Variants in SBF1 observed in about 807,000 individuals in gnomAD.
SBF1 encodes the protein SET binding factor 1, also known as myotubularin-related protein 5.
Under a neutral mutation model 215.8 loss-of-function variants are expected in SBF1, and 65 were observed. The ratio of observed to expected loss-of-function variants is 0.30; its 90% confidence interval spans 0.25 to 0.37. SBF1 has a LOEUF of 0.37. Among genes scored for constraint, SBF1 ranks in the 10% least tolerant of loss-of-function variants. The pLI, the probability that SBF1 is intolerant of heterozygous loss-of-function variation, is 1.00. For synonymous variants in SBF1, 1,410 were observed against 1,122.8 expected (o/e 1.26, Z -5.11); for missense variants, 2,634 against 2,667.8 (o/e 0.99, Z 0.28).
intron 1 of SBF1, among the ~76,000 whole-genome samples, chr22:50,474,365 C>T (rs1349806531): frequency 6.6e-6 from 1 of 152,216 alleles, no homozygotes; most frequent in Non-Finnish European, 1.5e-5. Flanking sequence ...GCCGCGGGTC[C>T]GCGCCCCTGG....
At chr22:50,467,243 AG>A in intron 5 of SBF1, 94 bp downstream of exon 5, 1 of 1,023,000 alleles carries the variant, frequency 9.8e-7, no homozygotes, top group Non-Finnish European at 1.5e-6. Context: ...CAAGGCCTCC[AG>A]CTGTGTGTGG....
rs749858631 is a variant in SBF1, at chr22:50,465,299, C to T, written c.1119G>A (p.Arg373=). ...AGCCCTGCAGCAGCTGAGCGAACAG[C>T]CGCAGGAAGACCGCGCGCAGCTCCT... ...QDKELRAVFL[R]LFAQLLQGYR... is the part of the protein sequence containing the mutation. Residue 373 remains arginine, a synonymous_variant, in exon 11 of 41, where the codon CGG becomes CGA. Transcript: ENST00000380817. The T allele has an allele frequency of 1.2e-6, 2 of 1,605,282 alleles. No individual in the cohort carries two copies. Among genetic ancestry groups the T allele is most frequent in the South Asian group, 1.1e-5 (1 of 89,748 alleles).
rs1194687521 is a variant in SBF1 at position 50,447,706 on chromosome 22, G to A, written c.5364-97C>T. ...CCCCCCTTGCTGTCCCAGCCCAGGA[G>A]GTAAGACCAGGCACCCTGTCCCCAG... On this transcript the variant is annotated intron_variant, in intron 38 of 40. Transcript: ENST00000380817. 7.1e-6 allele frequency: 6 copies of A among 841,990 alleles called. No homozygotes were observed. In the East Asian group the frequency reaches 1.6e-4, roughly 22 times the overall value. The allele number at this position is 841,990 out of a possible 1,614,324, so 52.2% of individuals were successfully genotyped here.
chr22:50,469,376 G>A (rs1043939985), intron 1 of SBF1, among the ~76,000 whole-genome samples: 1 of 152,216 alleles, frequency 6.6e-6, no homozygotes, highest in African/African-American at 2.4e-5. Flanking sequence ...CTCTCCGTGG[G>A]GCCCCAGAAC....
intron 15 of SBF1, 108 bp downstream of exon 15, chr22:50,464,221 G>A (rs532853575): frequency 3.2e-6 from 3 of 925,902 alleles, no homozygotes; most frequent in South Asian, 1.6e-5. Flanking sequence ...CTGTCTGTTA[G>A]GCAGAGGAGG....
Position 50,467,455 on chromosome 22 carries a change from T to C in SBF1, c.439-7A>G, listed in dbSNP as rs2067816576. On this transcript the variant is annotated splice_polypyrimidine_tract_variant and splice_region_variant and intron_variant, in intron 4 of 40. Coordinates refer to ENST00000380817, the MANE Select transcript of SBF1 (RefSeq NM_002972.4). ...AGATGAGGCCAAGGCTGTTCTGCAA[T>C]GACCAGAGCGGGGAGTGGTGGGACA... 2 of 1,614,132 alleles carry C rather than the reference T, an allele frequency of 1.2e-6. No homozygotes were observed. The highest frequency in any genetic ancestry group is 4.5e-5 in the East Asian group (2 of 44,888).
intron 2 of SBF1, 119 bp downstream of exon 2, chr22:50,468,257 G>C (rs963565572): frequency 1.5e-5 from 14 of 965,500 alleles, no homozygotes; most frequent in Non-Finnish European, 2.0e-5. Context: ...CTGCTGTCTT[G>C]TCCCTAGCCC....
rs2067534854 is a variant in SBF1 at position 50,461,991 on chromosome 22, C to T, written c.2525G>A (p.Gly842Glu). The change falls in exon 20 of 41, where the codon GGG becomes GAG. Residue 842 changes from glycine to glutamate, a missense_variant. Physicochemically the swap from Gly to Glu is moderately conservative, Grantham distance 98. Transcript: ENST00000380817. ...CCCCTTGAGGTGGTCGCTGGTGACC[C>T]CACTCTCCGTGCAGACCTTGTCCAC... is the stretch of plus-strand genomic sequence containing the variant. Reference protein sequence around the residue: ...RFVDKVCTESGVTSDHLKGLH... With the variant: ...RFVDKVCTESEVTSDHLKGLH... The T allele has an allele frequency of 1.2e-6, 2 of 1,614,096 alleles. No individual in the cohort carries two copies. The highest frequency in any genetic ancestry group is 1.3e-5 in the African/African-American group (1 of 74,940).
At chr22:50,471,926 G>A (rs1289577400) in intron 1 of SBF1, among the ~76,000 whole-genome samples, 1 of 152,234 alleles carries the variant, frequency 6.6e-6, no homozygotes, top group Admixed American at 6.5e-5. Flanking sequence ...GATCCAAGGG[G>A]TCCAGCCCCT....
chr22:50,462,490 CG>C lies in SBF1; in HGVS notation c.2128-18del. ...CCCAACCTCCTGCCACGGCACCACA[CG>C]CATGAGCCGGGGCCACGCTGCCCCA... On this transcript the variant is annotated intron_variant, in intron 18 of 40. Transcript: ENST00000380817. 1 of 1,612,646 alleles carries C rather than the reference CG, an allele frequency of 6.2e-7. No homozygotes were observed.
In SBF1 at chr22:50,468,456, C is replaced by T; in HGVS notation, c.61G>A (p.Gly21Arg). ...TGCAGAATCTGGCCCTGGCCTTCCC[C>T]ACTCCCTGAGGACAAGAACAGGGGG... The part of the protein sequence containing the change: ...VAFGPHPRGS[G>R]EGQGQILQRF... The change falls in exon 2 of 41, where the codon GGG (glycine) becomes AGG (arginine). Residue 21 changes from glycine (G) to arginine (R), a missense_variant. Transcript: ENST00000380817. 2 of 1,603,544 alleles carry T rather than the reference C, an allele frequency of 1.2e-6. No individual in the cohort carries two copies. Among genetic ancestry groups the T allele is most frequent in the Non-Finnish European group, 8.5e-7 (1 of 1,174,364 alleles).
Position 50,467,283 on chromosome 22 carries a change from G to A in SBF1, c.549+55C>T, listed in dbSNP as rs1430234044. On this transcript the variant is annotated intron_variant, in intron 5 of 40. Coordinates refer to ENST00000380817, the MANE Select transcript of SBF1 (RefSeq NM_002972.4). Reference sequence around the variant, plus strand: ...TGGCTGGGCTCCAAATACCTACCAGGGCCCCAGCAGGAGGGCCTGTGGCTG... The same window carrying A: ...TGGCTGGGCTCCAAATACCTACCAGAGCCCCAGCAGGAGGGCCTGTGGCTG... The A allele has an allele frequency of 2.1e-6, 3 of 1,452,410 alleles. No homozygotes were observed. In the Admixed American group the frequency reaches 5.2e-5, roughly 25 times the overall value. The allele number at this position is 1,452,410 out of a possible 1,614,324, so 90.0% of individuals were successfully genotyped here.
intron 1 of SBF1, among the ~76,000 whole-genome samples, chr22:50,473,086 T>C (rs943537279): frequency 9.2e-5 from 14 of 152,166 alleles, no homozygotes; most frequent in African/African-American, 3.1e-4. Context: ...CACAGCCAGC[T>C]TGTTGTGGAG....
Position 50,462,920 on chromosome 22 carries a change from C to G in SBF1, c.1918G>C (p.Glu640Gln), listed in dbSNP as rs199783239. The G allele has an allele frequency of 2.5e-4, 410 of 1,613,146 alleles. 2 individuals are homozygous for G. Among genetic ancestry groups the G allele is most frequent in the Non-Finnish European group, 1.9e-4 (226 of 1,179,862 alleles). The change falls in exon 17 of 41, where the codon GAG becomes CAG. Residue 640 changes from glutamate to glutamine, a missense_variant. Coordinates refer to ENST00000380817, the MANE Select transcript of SBF1 (RefSeq NM_002972.4). ...AGCAGAGCCGCCGCAATGCCATGCT[C>G]GTCCAGAGAAGTGCAGTCCTGCAGG... ...CCLQDCTSLD[E>Q]HGIAAALLPL...
At chr22:50,473,860 G>A (rs2068079276) in intron 1 of SBF1, among the ~76,000 whole-genome samples, 1 of 152,230 alleles carries the variant, frequency 6.6e-6, no homozygotes, top group Admixed American at 6.5e-5. Flanking sequence ...GCTCAGGCCA[G>A]GCAGTCAGCT....
At position 50,462,393 on chromosome 22, in the gene SBF1, A is replaced by G; in HGVS notation, c.2208T>C (p.Thr736=). 6.2e-7 allele frequency: 1 copy of G among 1,614,014 alleles called. No individual in the cohort carries two copies. Among genetic ancestry groups the G allele is most frequent in the Non-Finnish European group, 8.5e-7 (1 of 1,179,968 alleles). Residue 736 remains threonine (T), a synonymous_variant, in exon 19 of 41, where the codon ACT becomes ACC. Coordinates refer to ENST00000380817, the MANE Select transcript of SBF1 (RefSeq NM_002972.4). ...GCTCCTGCTGCTTCTCACGACTCAG[A>G]GTTGGCCACAAGCGCCGCTGCTCAG... ...VASEQRRLWP[T]LSREKQQELV...
At chr22:50,473,399 G>A (rs1429324934) in intron 1 of SBF1, among the ~76,000 whole-genome samples, 2 of 152,260 alleles carry the variant, frequency 1.3e-5, no homozygotes, top group Middle Eastern at 3.4e-3. Context: ...CTCCCTCTGT[G>A]GGTCAAGACA....
rs2066858145 is a variant in SBF1 at position 50,447,078 on chromosome 22, G to GCCCTGCCCAC, written c.*54_*63dup. The GCCCTGCCCAC allele has an allele frequency of 6.9e-7, 1 of 1,447,278 alleles. No individual in the cohort carries two copies. The highest frequency in any genetic ancestry group is 1.9e-5 in the Admixed American group (1 of 52,142). The allele number at this position is 1,447,278 out of a possible 1,614,324, so 89.7% of individuals were successfully genotyped here. On this transcript the variant is annotated 3_prime_UTR_variant, in exon 41 of 41. Transcript: ENST00000380817. The stretch of plus-strand genomic sequence containing the variant: ...CGGGGCTGTAAACATGGCCGGGGCG[G>GCCCTGCCCAC]CCCTGCCCACCCCTAGTGGTCGGTA...
chr22:50,447,441 C>T lies in SBF1; in HGVS notation c.5464G>A (p.Asp1822Asn), dbSNP rs1052849995. The T allele has an allele frequency of 9.9e-6, 16 of 1,613,224 alleles. No individual in the cohort carries two copies. The highest frequency in any genetic ancestry group is 2.7e-5 in the African/African-American group (2 of 74,864). The change falls in exon 40 of 41, where the codon GAC (aspartate) becomes AAC (asparagine). Residue 1822 changes from aspartate (D) to asparagine (N), a missense_variant. Coordinates refer to ENST00000380817, the MANE Select transcript of SBF1 (RefSeq NM_002972.4). ...DKTKHQLRYY[D>N]HRVDTECKGV... ...TTGCACTCTGTGTCCACACGGTGGT[C>T]GTAGTAGCGCAGCTGGAGGAGGCCA...
Sources: allele counts gnomAD v4.1 joint callset (sites outside exome capture counted in the v4.1 genomes callset), GRCh38; gene constraint gnomAD v4.1.1; transcripts MANE v1.5; gene names NCBI Gene and HGNC (gene_info 2026-07-23, HGNC 2026-07-21).